Variants in SIPA1L1 observed in about 807,000 individuals in gnomAD.
SIPA1L1 encodes the protein signal-induced proliferation-associated 1-like protein 1.
In SIPA1L1, 26 loss-of-function variants were observed where a neutral mutation model predicts 162.7. The observed-to-expected ratio is 0.16, with a 90% CI of 0.12 to 0.22. The LOEUF is 0.22. Among genes scored for constraint, SIPA1L1 ranks in the 10% least tolerant of loss-of-function variants. The pLI is 1.00. For missense variants in SIPA1L1, 1,874 were observed against 2,241.0 expected, an observed-to-expected ratio of 0.84 and a Z score of 3.31; for synonymous variants, 829 against 837.4, an observed-to-expected ratio of 0.99 and a Z score of 0.17.
chr14:71,534,745 C>T, intron 4 of SIPA1L1, among the ~76,000 whole-genome samples: 1 of 152,108 alleles, frequency 6.6e-6, no homozygotes, highest in East Asian at 1.9e-4. Context: ...GATGGTATCC[C>T]CATTGTATTA....
intron 7 of SIPA1L1, among the ~76,000 whole-genome samples, chr14:71,635,770 A>G (rs2041083598): frequency 6.6e-6 from 1 of 152,200 alleles, no homozygotes; most frequent in Admixed American, 6.5e-5. Flanking sequence ...TAAATATACC[A>G]ATTAAAGGAC....
chr14:71,474,843 A>G (rs2047723081), intron 2 of SIPA1L1, among the ~76,000 whole-genome samples: 1 of 152,216 alleles, frequency 6.6e-6, no homozygotes, highest in Non-Finnish European at 1.5e-5. Context: ...CATTGCTAAT[A>G]TATTCCAGCC....
chr14:71,644,629 TGTTTA>T (rs1479668713), intron 7 of SIPA1L1, among the ~76,000 whole-genome samples: 2 of 152,362 alleles, frequency 1.3e-5, no homozygotes, highest in East Asian at 3.8e-4. Context: ...TATAAGTGTT[TGTTTA>T]GTTTACAATA....
At chr14:71,617,697 CAT>C (rs1188600301) in intron 5 of SIPA1L1, among the ~76,000 whole-genome samples, 1 of 152,080 alleles carries the variant, frequency 6.6e-6, no homozygotes. Flanking sequence ...ATGGAAATAA[CAT>C]GTATTTTCAA....
chr14:71,670,211 A>G (rs2044383220), intron 10 of SIPA1L1, among the ~76,000 whole-genome samples: 1 of 152,198 alleles, frequency 6.6e-6, no homozygotes, highest in South Asian at 2.1e-4. Flanking sequence ...TTTCTATATC[A>G]ACAACTTCCT....
chr14:71,678,944 C>T (rs1254520274), intron 12 of SIPA1L1, among the ~76,000 whole-genome samples: 1 of 151,902 alleles, frequency 6.6e-6, no homozygotes, highest in African/African-American at 2.4e-5. Context: ...TGTGAAAAGA[C>T]CAAATCTACG....
intron 12 of SIPA1L1, among the ~76,000 whole-genome samples, chr14:71,674,888 G>A (rs75157318): frequency 0.015 from 2,324 of 152,100 alleles, 44 homozygotes; most frequent in African/African-American, 0.049. Flanking sequence ...AAAGAAACCG[G>A]GACTCAAAGG....
intron 7 of SIPA1L1, among the ~76,000 whole-genome samples, chr14:71,633,862 T>G (rs1019884841): frequency 2.6e-5 from 4 of 151,982 alleles, no homozygotes; most frequent in African/African-American, 9.7e-5. Context: ...TATTTAACAA[T>G]TGTGTCTTGG....
At chr14:71,354,028 T>C (rs1420283840) in intron 2 of SIPA1L1, among the ~76,000 whole-genome samples, 1 of 152,092 alleles carries the variant, frequency 6.6e-6, no homozygotes, top group Admixed American at 6.5e-5. Flanking sequence ...AATTTAGCCT[T>C]ATGAAATACT....
intron 17 of SIPA1L1, 68 bp downstream of exon 17, chr14:71,709,732 C>G: frequency 7.4e-7 from 1 of 1,355,350 alleles, no homozygotes; most frequent in Non-Finnish European, 1.0e-6. Flanking sequence ...CCTCAGCCCA[C>G]TTTACTTTGC....
chr14:71,686,136 A>G (rs748682428), intron 13 of SIPA1L1, among the ~76,000 whole-genome samples: 1 of 152,230 alleles, frequency 6.6e-6, no homozygotes, highest in Non-Finnish European at 1.5e-5. Context: ...ATAGGAAAGA[A>G]TAGTGAAGAG....
chr14:71,597,449 A>C (rs1054397532), intron 5 of SIPA1L1, among the ~76,000 whole-genome samples: 6 of 151,532 alleles, frequency 4.0e-5, no homozygotes, highest in Admixed American at 6.6e-5. Context: ...TCATGCTGTT[A>C]GTTGTCCAGT....
At chr14:71,719,756 T>A (rs1439636183) in intron 17 of SIPA1L1, among the ~76,000 whole-genome samples, 1 of 152,194 alleles carries the variant, frequency 6.6e-6, no homozygotes, top group African/African-American at 2.4e-5. Flanking sequence ...GCCCCCAAAG[T>A]GCTGGGATTA....
chr14:71,434,034 G>T (rs1032248626), intron 2 of SIPA1L1, among the ~76,000 whole-genome samples: 2 of 152,156 alleles, frequency 1.3e-5, no homozygotes, highest in Non-Finnish European at 2.9e-5. Flanking sequence ...ATGTGATTGT[G>T]ACTAATGATC....
intron 4 of SIPA1L1, among the ~76,000 whole-genome samples, chr14:71,542,466 GCTGCTT>G (rs1246158016): frequency 2.9e-4 from 43 of 149,048 alleles, no homozygotes; most frequent in East Asian, 5.9e-4. Flanking sequence ...TGCTGCTGCT[GCTGCTT>G]CTGCTTCTGC....
chr14:71,388,326 A>G (rs894483667), intron 2 of SIPA1L1, among the ~76,000 whole-genome samples: 3 of 152,232 alleles, frequency 2.0e-5, no homozygotes, highest in African/African-American at 7.2e-5. Flanking sequence ...CAAGCTACAA[A>G]GAAGTTAAGT....
At chr14:71,637,096 A>ATTTT (rs56744567) in intron 7 of SIPA1L1, among the ~76,000 whole-genome samples, 23 of 142,608 alleles carry the variant, frequency 1.6e-4, no homozygotes, top group African/African-American at 5.8e-4. Flanking sequence ...TTAAAAAAAA[A>ATTTT]TTTTTTTTTT....
At chr14:71,709,974 G>A (rs781645846) in intron 17 of SIPA1L1, among the ~76,000 whole-genome samples, 24 of 152,092 alleles carry the variant, frequency 1.6e-4, no homozygotes, top group Non-Finnish European at 2.8e-4. Context: ...GTTGGCTTTC[G>A]GTGAGTAATA....
intron 4 of SIPA1L1, among the ~76,000 whole-genome samples, chr14:71,560,813 G>A (rs997877762): frequency 6.6e-6 from 1 of 152,162 alleles, no homozygotes; most frequent in Non-Finnish European, 1.5e-5. Context: ...TAGAAGCCCT[G>A]TGCATTTTGA....
Sources: allele counts gnomAD v4.1 joint callset (sites outside exome capture counted in the v4.1 genomes callset), GRCh38; gene constraint gnomAD v4.1.1; transcripts MANE v1.5; gene names NCBI Gene and HGNC (gene_info 2026-07-23, HGNC 2026-07-21).